RIMS1: variants seen among roughly 807,000 people sequenced by gnomAD.
The protein encoded by RIMS1 is regulating synaptic membrane exocytosis 1.
Under a neutral mutation model 214.1 loss-of-function variants are expected in RIMS1, and 83 were observed. The ratio of observed to expected loss-of-function variants is 0.39; its 90% confidence interval spans 0.32 to 0.47. RIMS1 has a LOEUF of 0.47. RIMS1 is among the 20% of genes least tolerant of loss of function. RIMS1 has a pLI of 0.99. For synonymous variants in RIMS1, 793 were observed against 786.8 expected, an observed-to-expected ratio of 1.01 and a Z score of -0.13; for missense variants, 2,050 against 2,161.8, an observed-to-expected ratio of 0.95 and a Z score of 1.03.
At chr6:72,040,741 A>T (rs1585460348) in intron 2 of RIMS1, among the ~76,000 whole-genome samples, 1 of 151,956 alleles carries the variant, frequency 6.6e-6, no homozygotes, top group Non-Finnish European at 1.5e-5. Flanking sequence ...TCTAAAAAAT[A>T]GTAGATTGTT....
intron 4 of RIMS1, among the ~76,000 whole-genome samples, chr6:72,175,648 G>A (rs972645795): frequency 6.0e-5 from 9 of 150,528 alleles, no homozygotes; most frequent in Admixed American, 2.0e-4. Flanking sequence ...ACTCCAGCCT[G>A]GGCAACAGGA....
intron 28 of RIMS1, among the ~76,000 whole-genome samples, chr6:72,324,316 T>C (rs923525580): frequency 1.3e-5 from 2 of 151,984 alleles, no homozygotes; most frequent in African/African-American, 4.8e-5. Flanking sequence ...AAGTAAGTTA[T>C]TGTACAGATC....
rs549593634 is a variant in RIMS1, at chr6:72,201,155, G to A, written c.1678+18006G>A. On this transcript the variant is annotated intron_variant, in intron 6 of 33. Transcript: ENST00000521978. ...AATTAGTCCATGGCTAGAAATATTAGTCATTTAGTTGCATTTGAAAGAAAT... is the reference window on the plus strand; with the variant it reads ...AATTAGTCCATGGCTAGAAATATTAATCATTTAGTTGCATTTGAAAGAAAT... 2.0e-5 allele frequency among the ~76,000 whole-genome samples: 3 copies of A among 152,232 alleles called. No homozygotes were observed. In the South Asian group the frequency reaches 6.2e-4, roughly 32 times the overall value.
intron 1 of RIMS1, among the ~76,000 whole-genome samples, chr6:71,964,389 T>C (rs923945510): frequency 6.6e-6 from 1 of 152,102 alleles, no homozygotes; most frequent in Admixed American, 6.6e-5. Context: ...CTGGCTGTTG[T>C]GTTGAGAATA....
At chr6:72,009,447 T>C (rs1584800191) in intron 2 of RIMS1, among the ~76,000 whole-genome samples, 1 of 152,186 alleles carries the variant, frequency 6.6e-6, no homozygotes, top group South Asian at 2.1e-4. Context: ...ATTCAAAAGC[T>C]AGCAGAAGGC....
At chr6:72,286,902 CCTT>C (rs1305198197) in intron 24 of RIMS1, among the ~76,000 whole-genome samples, 2 of 152,082 alleles carry the variant, frequency 1.3e-5, no homozygotes, top group African/African-American at 4.8e-5. Context: ...TGACAGATAG[CCTT>C]TTAAGAATAT....
intron 2 of RIMS1, among the ~76,000 whole-genome samples, chr6:72,002,696 C>G (rs147065022): frequency 1.3e-5 from 2 of 152,042 alleles, no homozygotes; most frequent in African/African-American, 4.8e-5. Flanking sequence ...GCTGTGTGAA[C>G]GGGGAACTCA....
At chr6:72,292,835 A>G (rs1215590817) in intron 26 of RIMS1, among the ~76,000 whole-genome samples, 1 of 152,160 alleles carries the variant, frequency 6.6e-6, no homozygotes, top group Non-Finnish European at 1.5e-5. Context: ...GGATTGTAAT[A>G]TAAATGTAGT....
intron 2 of RIMS1, among the ~76,000 whole-genome samples, chr6:72,009,268 G>A (rs1195804123): frequency 6.6e-6 from 1 of 152,150 alleles, no homozygotes; most frequent in Non-Finnish European, 1.5e-5. Context: ...GATGTTCTTT[G>A]AAACCAACAA....
At chr6:71,903,761 T>G (rs903611335) in intron 1 of RIMS1, among the ~76,000 whole-genome samples, 3 of 148,364 alleles carry the variant, frequency 2.0e-5, no homozygotes, top group Middle Eastern at 3.2e-3. Flanking sequence ...TGTGTGTGTG[T>G]TTTTTTTTTC....
At chr6:72,328,250 A>G (rs2096546279) in intron 28 of RIMS1, among the ~76,000 whole-genome samples, 1 of 151,904 alleles carries the variant, frequency 6.6e-6, no homozygotes, top group East Asian at 1.9e-4. Context: ...TGGGAGTTGA[A>G]CAATGACAAC....
At chr6:72,125,472 T>C (rs896750451) in intron 4 of RIMS1, among the ~76,000 whole-genome samples, 1 of 152,212 alleles carries the variant, frequency 6.6e-6, no homozygotes, top group Non-Finnish European at 1.5e-5. Flanking sequence ...GTCTGTCTAT[T>C]CTCAGATCTC....
chr6:72,225,527 G>A (rs2059935259), intron 6 of RIMS1, among the ~76,000 whole-genome samples: 3 of 152,176 alleles, frequency 2.0e-5, no homozygotes, highest in African/African-American at 7.2e-5. Flanking sequence ...ATATTTATAT[G>A]TAGAGTTTGT....
intron 2 of RIMS1, among the ~76,000 whole-genome samples, chr6:72,055,820 T>G (rs1034351979): frequency 2.0e-5 from 3 of 152,206 alleles, no homozygotes; most frequent in African/African-American, 4.8e-5. Context: ...GGTGGAAATG[T>G]AAATTAGTTT....
intron 2 of RIMS1, among the ~76,000 whole-genome samples, chr6:71,995,678 A>T (rs891094833): frequency 4.6e-5 from 7 of 152,062 alleles, no homozygotes; most frequent in African/African-American, 1.7e-4. Context: ...TTCTGGTAAG[A>T]GCTCTGTTAC....
At chr6:72,109,371 T>C (rs1234667495) in intron 4 of RIMS1, among the ~76,000 whole-genome samples, 1 of 151,318 alleles carries the variant, frequency 6.6e-6, no homozygotes, top group Non-Finnish European at 1.5e-5. Context: ...TGTTGTTTCC[T>C]GACTTTTTAA....
At chr6:72,194,209 C>T (rs1179292586) in intron 6 of RIMS1, among the ~76,000 whole-genome samples, 1 of 152,006 alleles carries the variant, frequency 6.6e-6, no homozygotes. Flanking sequence ...ATGAAATTAC[C>T]AATGTCATTC....
At chr6:72,374,202 T>C (rs959862795) in intron 29 of RIMS1, among the ~76,000 whole-genome samples, 1 of 152,302 alleles carries the variant, frequency 6.6e-6, no homozygotes, top group East Asian at 1.9e-4. Flanking sequence ...CGTGAGCCAC[T>C]GCGCCTGGCC....
chr6:72,022,499 A>G (rs1172484566), intron 2 of RIMS1, among the ~76,000 whole-genome samples: 1 of 152,202 alleles, frequency 6.6e-6, no homozygotes, highest in Non-Finnish European at 1.5e-5. Context: ...TTGTTGTAGT[A>G]TAGAAGAAAA....
Sources: allele counts gnomAD v4.1 joint callset (sites outside exome capture counted in the v4.1 genomes callset), GRCh38; gene constraint gnomAD v4.1.1; transcripts MANE v1.5; gene names NCBI Gene and HGNC (gene_info 2026-07-23, HGNC 2026-07-21).